The following IMMP1L variants were observed in gnomAD, a reference collection of about 807,000 sequenced individuals.
The protein encoded by IMMP1L is mitochondrial inner membrane protease subunit 1.
Under a neutral mutation model 21.8 loss-of-function variants are expected in IMMP1L, and 24 were observed. The ratio of observed to expected loss-of-function variants is 1.10; its 90% CI spans 0.80 to 1.55. The LOEUF is 1.55. IMMP1L is among the 40% of genes most tolerant of loss of function. The pLI, the probability that IMMP1L is intolerant of heterozygous loss-of-function variation, is 0.00. For synonymous variants in IMMP1L, 46 were observed against 62.8 expected (o/e 0.73, Z 1.26); for missense variants, 195 against 200.7 (o/e 0.97, Z 0.17).
At chr11:31,463,921 A>G (rs2133674498) in intron 1 of IMMP1L, among the ~76,000 whole-genome samples, 1 of 152,270 alleles carries the variant, frequency 6.6e-6, no homozygotes, top group African/African-American at 2.4e-5. Flanking sequence ...GAACACATAA[A>G]TACTATGAAA....
At chr11:31,507,476 G>A (rs1955812128) in intron 1 of IMMP1L, among the ~76,000 whole-genome samples, 1 of 152,106 alleles carries the variant, frequency 6.6e-6, no homozygotes, top group African/African-American at 2.4e-5. Flanking sequence ...AATCTAAAGG[G>A]TTAAGTAAAT....
Position 31,456,334 on chromosome 11 carries a change from T to A in IMMP1L, c.247A>T (p.Lys83Ter), listed in dbSNP as rs2133631860. 1.2e-6 allele frequency: 2 copies of A among 1,609,328 alleles called. No individual in the cohort carries two copies. Among genetic ancestry groups the A allele is most frequent in the South Asian group, 1.1e-5 (1 of 90,914 alleles). The change falls in exon 4 of 6, where the codon AAA becomes TAA. Residue 83 changes from lysine (K) to a stop codon, truncating the protein, a stop_gained. Transcript: ENST00000532287. LOFTEE classifies it high-confidence loss of function. ...TCTCCTTCCAAACCAATTACTCTTT[T>A]ACAAATATTTGATTTTGGATCACTT... ...SPSDPKSNIC[K>*]RVIGLEGDKI...
At chr11:31,496,737 T>C (rs1017143644) in intron 1 of IMMP1L, among the ~76,000 whole-genome samples, 2 of 148,964 alleles carry the variant, frequency 1.3e-5, no homozygotes, top group South Asian at 4.2e-4. Flanking sequence ...TAAATGATGT[T>C]AATATGTTAT....
intron 4 of IMMP1L, among the ~76,000 whole-genome samples, chr11:31,454,660 A>C (rs1953882109): frequency 6.6e-6 from 1 of 152,176 alleles, no homozygotes; most frequent in African/African-American, 2.4e-5. Context: ...AATTCAATGA[A>C]TATTTTCCTT....
intron 1 of IMMP1L, among the ~76,000 whole-genome samples, chr11:31,475,685 C>T (rs1954703002): frequency 6.6e-6 from 1 of 152,106 alleles, no homozygotes; most frequent in Non-Finnish European, 1.5e-5. Flanking sequence ...TAGTATCTAG[C>T]TTAAGATAAG....
chr11:31,494,734 C>T (rs749792100), intron 1 of IMMP1L, among the ~76,000 whole-genome samples: 5 of 152,074 alleles, frequency 3.3e-5, no homozygotes, highest in Non-Finnish European at 5.9e-5. Context: ...CTCCACCTCC[C>T]GGATTTACTT....
intron 1 of IMMP1L, among the ~76,000 whole-genome samples, chr11:31,491,354 G>T (rs1955250251): frequency 6.6e-6 from 1 of 152,114 alleles, no homozygotes; most frequent in Non-Finnish European, 1.5e-5. Context: ...ACAGAAATAG[G>T]AACATTAAAA....
At chr11:31,438,495 C>A (rs1953200461) in intron 4 of IMMP1L, among the ~76,000 whole-genome samples, 1 of 152,040 alleles carries the variant, frequency 6.6e-6, no homozygotes, top group Non-Finnish European at 1.5e-5. Flanking sequence ...TTTTGACAAG[C>A]AGAAGTTTTT....
chr11:31,455,307 T>C (rs1465014528), intron 4 of IMMP1L, among the ~76,000 whole-genome samples: 1 of 152,154 alleles, frequency 6.6e-6, no homozygotes, highest in African/African-American at 2.4e-5. Flanking sequence ...AATAATTTGA[T>C]AGTGACACAG....
intron 3 of IMMP1L, 71 bp from the exon 4 acceptor site, chr11:31,456,457 A>G (rs968040415): frequency 8.3e-6 from 10 of 1,198,418 alleles, no homozygotes; most frequent in Non-Finnish European, 1.2e-6. Context: ...CACTGCTTTA[A>G]TACTTTTATA....
chr11:31,463,121 T>C (rs1352583128), intron 2 of IMMP1L, 51 bp downstream of exon 2: 21 of 1,419,374 alleles, frequency 1.5e-5, no homozygotes, highest in Non-Finnish European at 2.0e-5. Flanking sequence ...TTCCTTCCAT[T>C]TGAAAGAAAG....
intron 4 of IMMP1L, 69 bp downstream of exon 4, chr11:31,456,191 T>G: frequency 9.1e-7 from 1 of 1,102,312 alleles, no homozygotes. Context: ...CATTATTTTC[T>G]TTTGTCAGCA....
intron 1 of IMMP1L, among the ~76,000 whole-genome samples, chr11:31,466,700 TA>T (rs1055076173): frequency 4.6e-5 from 7 of 151,922 alleles, no homozygotes; most frequent in African/African-American, 1.7e-4. Flanking sequence ...TGTGGGAGCT[TA>T]AAAAAATATT....
At chr11:31,441,652 G>C (rs1953333900) in intron 4 of IMMP1L, among the ~76,000 whole-genome samples, 1 of 151,982 alleles carries the variant, frequency 6.6e-6, no homozygotes, top group Admixed American at 6.6e-5. Context: ...TTGTCAGTAA[G>C]TTGAAAATTC....
At chr11:31,457,355 T>A (rs962182230) in intron 3 of IMMP1L, among the ~76,000 whole-genome samples, 1 of 152,030 alleles carries the variant, frequency 6.6e-6, no homozygotes, top group Non-Finnish European at 1.5e-5. Flanking sequence ...GGAAGAAAGA[T>A]AGAACGTAGG....
At chr11:31,462,331 A>AAG (rs34918026) in intron 2 of IMMP1L, among the ~76,000 whole-genome samples, 51,252 of 146,940 alleles carry the variant, frequency 0.35, 11,057 homozygotes, top group African/African-American at 0.61. Context: ...AAAAAAAAAA[A>AAG]GAAGGGAAAT....
intron 1 of IMMP1L, among the ~76,000 whole-genome samples, chr11:31,489,332 T>C (rs1460679403): frequency 2.0e-5 from 3 of 152,250 alleles, no homozygotes; most frequent in Non-Finnish European, 4.4e-5. Context: ...ATATGCATAA[T>C]TGCATATATC....
In IMMP1L at chr11:31,498,912, C is replaced by T. The variant is rs1320318186; in HGVS notation, c.-30+10607G>A. Among the ~76,000 whole-genome samples the T allele has an allele frequency of 3.3e-5, 5 of 152,260 alleles. No homozygotes were observed. The South Asian group carries it at 6.2e-4, about 19-fold the overall frequency. On this transcript the variant is annotated intron_variant, in intron 1 of 5. Coordinates refer to ENST00000532287, the MANE Select transcript of IMMP1L (RefSeq NM_001304274.2). The stretch of plus-strand genomic sequence containing the variant: ...AAAAACATTACTTAATATAATTAAT[C>T]ACCAATACATCCATGGAGAGAGGAG...
intron 1 of IMMP1L, among the ~76,000 whole-genome samples, chr11:31,488,928 G>A (rs1387473001): frequency 3.3e-5 from 5 of 151,274 alleles, no homozygotes; most frequent in Middle Eastern, 3.2e-3. Context: ...GCGGAGTCTC[G>A]CTCTGTTGCC....
Sources: gnomAD v4.1 joint callset for allele counts (sites outside exome capture counted in the v4.1 genomes callset) on GRCh38, gnomAD v4.1.1 for gene constraint, MANE v1.5 for transcripts, NCBI Gene and HGNC (gene_info 2026-07-23, HGNC 2026-07-21) for gene names.